AMZ1: variants seen among roughly 807,000 people sequenced by gnomAD.
The protein encoded by AMZ1 is archaelysin family metallopeptidase 1.
A neutral mutation model predicts 29.9 loss-of-function variants in AMZ1; 39 were observed. That is an observed-to-expected ratio of 1.30 (90% CI 1.01 to 1.70). The LOEUF is 1.70. Ranked by LOEUF, AMZ1 falls within the 40% of genes most tolerant of loss-of-function variation. The pLI is 0.00. For synonymous variants in AMZ1, 458 were observed against 304.0 expected (o/e 1.51, Z -5.27); for missense variants, 1,041 against 680.6 (o/e 1.53, Z -5.89).
chr7:2,680,986 C>T (rs948251447), intron 1 of AMZ1, among the ~76,000 whole-genome samples: 8 of 152,244 alleles, frequency 5.3e-5, no homozygotes, highest in South Asian at 2.1e-4. Context: ...CCACAGGCGC[C>T]GGGCAGGGCG....
intron 4 of AMZ1, among the ~76,000 whole-genome samples, chr7:2,738,144 C>T (rs901656492): frequency 1.3e-5 from 2 of 152,084 alleles, no homozygotes; most frequent in African/African-American, 2.4e-5. Context: ...GTAAGAGGAC[C>T]AGGCGTGGTG....
intron 1 of AMZ1, among the ~76,000 whole-genome samples, chr7:2,699,236 G>A (rs943983336): frequency 3.9e-5 from 6 of 152,144 alleles, no homozygotes; most frequent in South Asian, 2.1e-4. Flanking sequence ...CCAAGTGTGC[G>A]GTGACGACTC....
intron 1 of AMZ1, among the ~76,000 whole-genome samples, chr7:2,682,947 G>A (rs1291729357): frequency 1.3e-5 from 2 of 152,186 alleles, no homozygotes; most frequent in African/African-American, 4.8e-5. Flanking sequence ...CAGCCTCAGA[G>A]CCGTCCTCCT....
Position 2,717,278 on chromosome 7 carries a change from G to A in AMZ1, c.*4400G>A, listed in dbSNP as rs1243081461. Among the ~76,000 whole-genome samples, 17 of 152,248 alleles carry A rather than the reference G, an allele frequency of 1.1e-4. No homozygotes were observed. Among genetic ancestry groups the A allele is most frequent in the Admixed American group, 1.1e-3 (17 of 15,292 alleles). On this transcript the variant is annotated 3_prime_UTR_variant, in exon 7 of 7. Transcript: ENST00000683327. ...ACAGGAATATTTTTATCCCCGTGAA[G>A]ACGGAGAGAATCAGGGCTTCGCGAC...
intron 4 of AMZ1, among the ~76,000 whole-genome samples, chr7:2,740,581 C>T (rs1017086503): frequency 2.0e-5 from 3 of 151,996 alleles, no homozygotes; most frequent in African/African-American, 4.8e-5. Context: ...CAGCTTGAGC[C>T]GACAAATATA....
chr7:2,733,284 C>A (rs1789991850), intron 4 of AMZ1, among the ~76,000 whole-genome samples: 1 of 152,172 alleles, frequency 6.6e-6, no homozygotes, highest in African/African-American at 2.4e-5. Context: ...GAGACGGGGC[C>A]CAGATCCAAG....
intron 3 of AMZ1, among the ~76,000 whole-genome samples, chr7:2,706,270 G>A (rs960963504): frequency 6.6e-6 from 1 of 152,256 alleles, no homozygotes; most frequent in Non-Finnish European, 1.5e-5. Context: ...TGAACTCCTG[G>A]GCTCCTCTGC....
chr7:2,717,628 C>T lies in AMZ1; in HGVS notation c.*4750C>T, dbSNP rs1789206581. Among the ~76,000 whole-genome samples the T allele has an allele frequency of 6.6e-6, 1 of 152,206 alleles. No homozygotes were observed. The highest frequency in any genetic ancestry group is 1.5e-5 in the Non-Finnish European group (1 of 68,044). Reference sequence around the variant, plus strand: ...ACGAGGCTGTCAAAGATAAACACCGCAGGGTAATCTAGGAAACACTTCCGG... The same window carrying T: ...ACGAGGCTGTCAAAGATAAACACCGTAGGGTAATCTAGGAAACACTTCCGG... On this transcript the variant is annotated 3_prime_UTR_variant, in exon 7 of 7. Transcript: ENST00000683327.
Position 2,713,060 on chromosome 7 carries a change from A to G in AMZ1, c.*182A>G. The G allele has an allele frequency of 3.6e-6, 2 of 556,164 alleles. No individual in the cohort carries two copies. Among genetic ancestry groups the G allele is most frequent in the African/African-American group, 2.0e-5 (1 of 51,036 alleles). The allele number at this position is 556,164 out of a possible 1,614,324, so 34.5% of individuals were successfully genotyped here. A position where few individuals can be genotyped will look rare whatever the true frequency, so the allele number is the denominator to read the frequency against. ...TGAGACCAGACTGGGCAACATGGTG[A>G]GACTCTGCCTCTACAAAAGAAAAAT... On this transcript the variant is annotated 3_prime_UTR_variant, in exon 7 of 7. Transcript: ENST00000683327.
chr7:2,696,252 T>C lies in AMZ1; in HGVS notation c.-218-3982T>C, dbSNP rs542412976. Among the ~76,000 whole-genome samples, 4 of 135,418 alleles carry C rather than the reference T, an allele frequency of 3.0e-5. No homozygotes were observed. In the East Asian group the frequency reaches 7.0e-4, roughly 24 times the overall value. 88.8% of individuals were successfully genotyped at this position (135,418 alleles called of 152,430 possible). A position where few individuals can be genotyped will look rare whatever the true frequency, so the allele number is the denominator to read the frequency against. Reference sequence around the variant, plus strand: ...ACACAGTGCGGTTTGTGGCTCTTGATAGTCATTTTTTTTTTTTTTTTTGAG... The same window carrying C: ...ACACAGTGCGGTTTGTGGCTCTTGACAGTCATTTTTTTTTTTTTTTTTGAG... On this transcript the variant is annotated intron_variant, in intron 1 of 6. Transcript: ENST00000683327.
At chr7:2,699,346 C>G (rs1187851879) in intron 1 of AMZ1, among the ~76,000 whole-genome samples, 2 of 152,154 alleles carry the variant, frequency 1.3e-5, no homozygotes, top group African/African-American at 2.4e-5. Flanking sequence ...CAGCTCCACA[C>G]CCCCCACCGT....
At chr7:2,753,048 C>T (rs540453304) in intron 4 of AMZ1, among the ~76,000 whole-genome samples, 22 of 152,298 alleles carry the variant, frequency 1.4e-4, no homozygotes, top group African/African-American at 4.6e-4. Flanking sequence ...TTGGTAACCA[C>T]GAATCTGATT....
At chr7:2,737,685 C>A (rs1441855428) in intron 4 of AMZ1, among the ~76,000 whole-genome samples, 1 of 152,126 alleles carries the variant, frequency 6.6e-6, no homozygotes, top group African/African-American at 2.4e-5. Context: ...TAATGGTGAG[C>A]TAGAGGATTC....
intron 4 of AMZ1, among the ~76,000 whole-genome samples, chr7:2,754,472 G>A (rs1791194030): frequency 6.6e-6 from 1 of 152,038 alleles, no homozygotes; most frequent in Non-Finnish European, 1.5e-5. Context: ...GCAGGGCACG[G>A]TGGCTCACCC....
chr7:2,712,285 A>G, intron 6 of AMZ1, 45 bp from the exon 7 acceptor site: 1 of 1,501,256 alleles, frequency 6.7e-7, no homozygotes. Flanking sequence ...CTGGCTAGAC[A>G]AGGGCTGGCA....
At chr7:2,725,080 C>G (rs374892734) in intron 4 of AMZ1, among the ~76,000 whole-genome samples, 1 of 152,246 alleles carries the variant, frequency 6.6e-6, no homozygotes, top group African/African-American at 2.4e-5. Flanking sequence ...TCCCTCACTT[C>G]TAGGGACCTC....
chr7:2,682,634 C>G (rs1786924155), intron 1 of AMZ1, among the ~76,000 whole-genome samples: 6 of 152,142 alleles, frequency 3.9e-5, no homozygotes, highest in East Asian at 1.9e-4. Context: ...TGGACGTCAC[C>G]TACTGCACCC....
chr7:2,696,315 GGT>G (rs1200723565), intron 1 of AMZ1, among the ~76,000 whole-genome samples: 5 of 146,040 alleles, frequency 3.4e-5, no homozygotes, highest in African/African-American at 1.3e-4. Context: ...GGAGTGCAGT[GGT>G]GCGATCTTGG....
intron 4 of AMZ1, among the ~76,000 whole-genome samples, chr7:2,755,804 A>T (rs1791265807): frequency 6.6e-6 from 1 of 152,240 alleles, no homozygotes; most frequent in African/African-American, 2.4e-5. Flanking sequence ...AAAACTGAAG[A>T]ACACTTGGGC....
Sources: allele counts gnomAD v4.1 joint callset (sites outside exome capture counted in the v4.1 genomes callset), GRCh38; gene constraint gnomAD v4.1.1; transcripts MANE v1.5; gene names NCBI Gene and HGNC (gene_info 2026-07-23, HGNC 2026-07-21).